RASAL2: variants seen among roughly 807,000 people sequenced by gnomAD.
RASAL2 encodes the protein ras GTPase-activating protein nGAP.
A neutral mutation model predicts 128.9 loss-of-function variants in RASAL2; 58 were observed. The ratio of observed to expected loss-of-function variants is 0.45; its 90% CI spans 0.36 to 0.56. The LOEUF (loss-of-function observed/expected upper bound fraction) is 0.56. Ranked by LOEUF, RASAL2 falls within the 20% of genes least tolerant of loss-of-function variation. The pLI is 0.00. For synonymous variants in RASAL2, 561 were observed against 580.8 expected (o/e 0.97, Z 0.49); for missense variants, 1,360 against 1,601.6 (o/e 0.85, Z 2.57).
At chr1:178,246,235 T>C in intron 1 of RASAL2, among the ~76,000 whole-genome samples, 1 of 152,180 alleles carries the variant, frequency 6.6e-6, no homozygotes, top group East Asian at 1.9e-4. Flanking sequence ...TGTCCTCCCT[T>C]ATTTCCTTGA....
At chr1:178,308,083 C>G (rs1022233247) in intron 3 of RASAL2, among the ~76,000 whole-genome samples, 15 of 152,024 alleles carry the variant, frequency 9.9e-5, no homozygotes, top group Non-Finnish European at 1.8e-4. Context: ...ATCCCGTCAT[C>G]TTACTTACAG....
intron 5 of RASAL2, among the ~76,000 whole-genome samples, chr1:178,438,005 T>C (rs1676363835): frequency 6.6e-6 from 1 of 152,028 alleles, no homozygotes; most frequent in African/African-American, 2.4e-5. Flanking sequence ...GTGCATACTT[T>C]GTACTGTCAA....
chr1:178,243,083 A>T (rs909267085), intron 1 of RASAL2, among the ~76,000 whole-genome samples: 1 of 152,098 alleles, frequency 6.6e-6, no homozygotes, highest in African/African-American at 2.4e-5. Context: ...TTTGGTTATT[A>T]TGCTAGGGAA....
At chr1:178,285,639 A>G (rs1307678089) in intron 2 of RASAL2, among the ~76,000 whole-genome samples, 2 of 152,220 alleles carry the variant, frequency 1.3e-5, no homozygotes, top group Non-Finnish European at 2.9e-5. Context: ...GTTTATATTA[A>G]GTAGATAATA....
intron 1 of RASAL2, among the ~76,000 whole-genome samples, chr1:178,216,625 AATTAT>A (rs1294151130): frequency 4.6e-5 from 7 of 152,160 alleles, no homozygotes; most frequent in South Asian, 2.1e-4. Flanking sequence ...TAATTTAAAT[AATTAT>A]ATTGGTTATC....
intron 4 of RASAL2, among the ~76,000 whole-genome samples, chr1:178,393,572 C>A (rs886108326): frequency 6.6e-6 from 1 of 152,188 alleles, no homozygotes; most frequent in Non-Finnish European, 1.5e-5. Context: ...CCTGCTGTGC[C>A]GCCCAGTTCC....
At chr1:178,455,315 T>G (rs1677692549) in intron 12 of RASAL2, among the ~76,000 whole-genome samples, 1 of 152,220 alleles carries the variant, frequency 6.6e-6, no homozygotes, top group South Asian at 2.1e-4. Context: ...AGACGTTGGC[T>G]AGGCTTATTA....
intron 3 of RASAL2, among the ~76,000 whole-genome samples, chr1:178,365,763 A>G (rs1671367453): frequency 6.6e-6 from 1 of 152,106 alleles, no homozygotes; most frequent in South Asian, 2.1e-4. Flanking sequence ...ATGAGCCACC[A>G]TGCCAACCTA....
At chr1:178,280,560 C>T (rs572043702) in intron 1 of RASAL2, among the ~76,000 whole-genome samples, 1 of 152,060 alleles carries the variant, frequency 6.6e-6, no homozygotes, top group African/African-American at 2.4e-5. Context: ...CTAAAGGAGT[C>T]CTGCAGTCAA....
chr1:178,320,167 G>A (rs1268810605), intron 3 of RASAL2, among the ~76,000 whole-genome samples: 1 of 152,046 alleles, frequency 6.6e-6, no homozygotes, highest in South Asian at 2.1e-4. Context: ...ATCTCCAGCT[G>A]CGTGCTGGGA....
At chr1:178,314,507 G>A (rs1668405730) in intron 3 of RASAL2, among the ~76,000 whole-genome samples, 2 of 152,104 alleles carry the variant, frequency 1.3e-5, no homozygotes, top group Admixed American at 1.3e-4. Context: ...CAAGTGTTAT[G>A]TTTCAAACTG....
chr1:178,430,377 T>C (rs1239654106), intron 5 of RASAL2, among the ~76,000 whole-genome samples: 1 of 152,050 alleles, frequency 6.6e-6, no homozygotes, highest in Non-Finnish European at 1.5e-5. Flanking sequence ...AATTGCATCA[T>C]GATAACATTT....
chr1:178,414,239 A>G (rs777742735), intron 4 of RASAL2, among the ~76,000 whole-genome samples: 2 of 152,210 alleles, frequency 1.3e-5, no homozygotes, highest in Non-Finnish European at 2.9e-5. Context: ...AATGTATGAC[A>G]TTCTAGAAAA....
intron 1 of RASAL2, among the ~76,000 whole-genome samples, chr1:178,211,338 C>T (rs1426386499): frequency 6.6e-5 from 10 of 152,106 alleles, no homozygotes; most frequent in African/African-American, 2.2e-4. Context: ...TACCTTGATC[C>T]TTATCCCTTT....
intron 1 of RASAL2, among the ~76,000 whole-genome samples, chr1:178,140,435 G>A (rs1295280138): frequency 1.3e-5 from 2 of 152,256 alleles, no homozygotes; most frequent in African/African-American, 4.8e-5. Flanking sequence ...TATTATATAG[G>A]ATAGCTTACT....
intron 1 of RASAL2, among the ~76,000 whole-genome samples, chr1:178,256,966 G>A (rs7548157): frequency 0.11 from 17,406 of 152,062 alleles, 1,198 homozygotes; most frequent in African/African-American, 0.19. Flanking sequence ...GAGCCACTGC[G>A]CCTGGCCCAA....
At chr1:178,115,724 T>C (rs1659500684) in intron 1 of RASAL2, among the ~76,000 whole-genome samples, 1 of 152,234 alleles carries the variant, frequency 6.6e-6, no homozygotes, top group African/African-American at 2.4e-5. Flanking sequence ...GGTTGTGGTG[T>C]AGAAAATAGA....
At chr1:178,416,899 TTC>T (rs1480057370) in intron 4 of RASAL2, among the ~76,000 whole-genome samples, 1 of 151,912 alleles carries the variant, frequency 6.6e-6, no homozygotes, top group Admixed American at 6.6e-5. Context: ...TTAGGATTTT[TTC>T]TTTTTCTTTG....
At chr1:178,334,375 G>A (rs1167426875) in intron 3 of RASAL2, among the ~76,000 whole-genome samples, 4 of 144,616 alleles carry the variant, frequency 2.8e-5, no homozygotes, top group South Asian at 2.2e-4. Context: ...TTTTGCTCTT[G>A]TCACCCAGGC....
Sources: allele counts gnomAD v4.1 joint callset (sites outside exome capture counted in the v4.1 genomes callset), GRCh38; gene constraint gnomAD v4.1.1; transcripts MANE v1.5; gene names NCBI Gene and HGNC (gene_info 2026-07-23, HGNC 2026-07-21).